Variants in ADCY9 observed in about 807,000 individuals in gnomAD.
ADCY9 encodes the protein adenylate cyclase 9.
In ADCY9, 50 loss-of-function variants were observed where a neutral mutation model predicts 101.5. That is an observed-to-expected ratio of 0.49 (90% CI 0.39 to 0.62). ADCY9 has a LOEUF of 0.62. ADCY9 is among the 20% of genes least tolerant of loss of function. ADCY9 has a pLI of 0.00. For missense variants in ADCY9, 1,662 were observed against 1,800.4 expected (o/e 0.92, Z 1.39); for synonymous variants, 905 against 769.3 (o/e 1.18, Z -2.92).
At chr16:4,068,816 C>CAA (rs370717036) in intron 2 of ADCY9, among the ~76,000 whole-genome samples, 5 of 119,256 alleles carry the variant, frequency 4.2e-5, no homozygotes, top group South Asian at 2.6e-4. Context: ...GACTCCATCT[C>CAA]AAAAAAAAAA....
chr16:4,075,629 C>T (rs1162774744), intron 2 of ADCY9, among the ~76,000 whole-genome samples: 2 of 152,128 alleles, frequency 1.3e-5, no homozygotes, highest in Non-Finnish European at 1.5e-5. Flanking sequence ...ACCAGGGACA[C>T]AAAAATGTTG....
At chr16:3,961,448 CA>C (rs768911940), downstream of ADCY9, among the ~76,000 whole-genome samples, 173 of 125,292 alleles carry the variant, frequency 1.4e-3, 1 homozygote, top group South Asian at 4.6e-3. Context: ...ACCCTGTCTC[CA>C]AAAAAAAAAA....
intron 2 of ADCY9, among the ~76,000 whole-genome samples, chr16:4,103,984 G>C (rs1047382475): frequency 6.6e-6 from 1 of 152,202 alleles, no homozygotes; most frequent in Non-Finnish European, 1.5e-5. Flanking sequence ...TCAAAGCACA[G>C]CGGTCCTGGA....
intron 2 of ADCY9, among the ~76,000 whole-genome samples, chr16:4,103,921 G>A (rs983458436): frequency 1.3e-5 from 2 of 152,196 alleles, no homozygotes; most frequent in Admixed American, 1.3e-4. Flanking sequence ...GGTGTCTTCT[G>A]AATAGTCTGA....
intron 2 of ADCY9, among the ~76,000 whole-genome samples, chr16:4,103,753 C>T (rs903065603): frequency 2.6e-5 from 4 of 152,134 alleles, no homozygotes; most frequent in Non-Finnish European, 5.9e-5. Context: ...ATCACTTGAA[C>T]CCAGGAGGCG....
At chr16:3,995,427 T>A (rs900625269) in intron 3 of ADCY9, among the ~76,000 whole-genome samples, 1 of 152,014 alleles carries the variant, frequency 6.6e-6, no homozygotes, top group Non-Finnish European at 1.5e-5. Context: ...AGACCCTGTC[T>A]TAAAAAAATA....
At chr16:4,089,623 C>T (rs551253882) in intron 2 of ADCY9, among the ~76,000 whole-genome samples, 2 of 152,138 alleles carry the variant, frequency 1.3e-5, no homozygotes, top group Non-Finnish European at 2.9e-5. Context: ...ACGGTAGCTC[C>T]GTGCTTAACC....
chr16:4,017,745 CA>C (rs1296387656), intron 2 of ADCY9, among the ~76,000 whole-genome samples: 1 of 151,654 alleles, frequency 6.6e-6, no homozygotes, highest in African/African-American at 2.4e-5. Flanking sequence ...TTCAACATAG[CA>C]AAAGTTCAGA....
At chr16:4,019,881 C>T (rs1412353363) in intron 2 of ADCY9, among the ~76,000 whole-genome samples, 1 of 152,120 alleles carries the variant, frequency 6.6e-6, no homozygotes, top group Non-Finnish European at 1.5e-5. Flanking sequence ...AGTTTGAGAC[C>T]AGCCTGGCCA....
chr16:4,010,973 T>G (rs1293322697), intron 2 of ADCY9, among the ~76,000 whole-genome samples: 1 of 152,182 alleles, frequency 6.6e-6, no homozygotes, highest in East Asian at 1.9e-4. Context: ...GCTGGTGCCT[T>G]GATCTTGGAC....
chr16:3,994,481 G>C (rs2056271739), intron 3 of ADCY9, among the ~76,000 whole-genome samples: 1 of 152,136 alleles, frequency 6.6e-6, no homozygotes, highest in Non-Finnish European at 1.5e-5. Context: ...TTGAGATGGA[G>C]TTTCACTCTT....
downstream of ADCY9, among the ~76,000 whole-genome samples, chr16:3,958,563 G>GAAAAACAAAAA (rs2055920467): frequency 8.3e-6 from 1 of 120,020 alleles, no homozygotes; most frequent in African/African-American, 3.1e-5. Flanking sequence ...AAAAAAAAAA[G>GAAAAACAAAAA]AAAAACAAAA....
chr16:4,092,588 CT>C (rs1202401742), intron 2 of ADCY9, among the ~76,000 whole-genome samples: 4 of 152,104 alleles, frequency 2.6e-5, no homozygotes, highest in Non-Finnish European at 5.9e-5. Context: ...CCCTTTTGGT[CT>C]TATGGAAAAC....
intron 2 of ADCY9, among the ~76,000 whole-genome samples, chr16:4,061,987 T>G (rs2056776253): frequency 6.6e-6 from 1 of 152,190 alleles, no homozygotes; most frequent in African/African-American, 2.4e-5. Flanking sequence ...GAACAAAGTT[T>G]CTATATTTTA....
chr16:3,995,953 G>C (rs764612515), intron 3 of ADCY9, among the ~76,000 whole-genome samples: 1 of 152,052 alleles, frequency 6.6e-6, no homozygotes, highest in Non-Finnish European at 1.5e-5. Context: ...GATAACATTT[G>C]CTTACAGCTC....
chr16:4,026,657 G>C (rs2056517569), intron 2 of ADCY9, among the ~76,000 whole-genome samples: 1 of 152,136 alleles, frequency 6.6e-6, no homozygotes, highest in African/African-American at 2.4e-5. Flanking sequence ...GCACTACTCA[G>C]CATCACAAGG....
chr16:4,102,589 C>A (rs910243557), intron 2 of ADCY9, among the ~76,000 whole-genome samples: 10 of 152,158 alleles, frequency 6.6e-5, no homozygotes, highest in African/African-American at 2.4e-4. Flanking sequence ...CCATGCCTGG[C>A]TAATTTTGTG....
chr16:4,017,625 C>G (rs982603582), intron 2 of ADCY9, among the ~76,000 whole-genome samples: 5 of 133,318 alleles, frequency 3.8e-5, no homozygotes, highest in Non-Finnish European at 6.2e-5. Flanking sequence ...GCCTGGGCAG[C>G]AGAGTGAAAC....
chr16:4,110,969 C>T (rs779424850), intron 2 of ADCY9, among the ~76,000 whole-genome samples: 1 of 152,066 alleles, frequency 6.6e-6, no homozygotes, highest in Non-Finnish European at 1.5e-5. Flanking sequence ...CTCACGATCA[C>T]GGATCCTGCT....
Sources: allele counts gnomAD v4.1 joint callset (sites outside exome capture counted in the v4.1 genomes callset), GRCh38; gene constraint gnomAD v4.1.1; transcripts MANE v1.5; gene names NCBI Gene and HGNC (gene_info 2026-07-23, HGNC 2026-07-21).